GRIK2: variants seen among roughly 807,000 people sequenced by gnomAD.
GRIK2 encodes the protein glutamate ionotropic receptor kainate type subunit 2.
A neutral mutation model predicts 100.3 loss-of-function variants in GRIK2; 32 were observed. The ratio of observed to expected loss-of-function variants is 0.32; its 90% CI spans 0.24 to 0.43. The LOEUF (loss-of-function observed/expected upper bound fraction) is 0.43. GRIK2 is among the 20% of genes least tolerant of loss of function. The pLI, the probability that GRIK2 is intolerant of heterozygous loss-of-function variation, is 1.00. For synonymous variants in GRIK2, 417 were observed against 389.4 expected, an observed-to-expected ratio of 1.07 and a Z score of -0.83; for missense variants, 843 against 1,114.9, an observed-to-expected ratio of 0.76 and a Z score of 3.47.
chr6:101,496,954 G>A (rs997864630), intron 2 of GRIK2, among the ~76,000 whole-genome samples: 1 of 152,128 alleles, frequency 6.6e-6, no homozygotes, highest in Admixed American at 6.6e-5. Context: ...GGGCTAAGTA[G>A]GCTGAAAAAT....
At chr6:101,935,224 G>A (rs1280693563) in intron 14 of GRIK2, among the ~76,000 whole-genome samples, 1 of 151,844 alleles carries the variant, frequency 6.6e-6, no homozygotes, top group Non-Finnish European at 1.5e-5. Flanking sequence ...GTAAGTATAG[G>A]GAGGATGTGT....
chr6:101,729,306 A>G (rs954824763), intron 7 of GRIK2, among the ~76,000 whole-genome samples: 4 of 151,954 alleles, frequency 2.6e-5, no homozygotes, highest in African/African-American at 9.7e-5. Flanking sequence ...TTTTCTATCT[A>G]TAGATCTACC....
At chr6:102,054,566 A>G (rs1771373583) in intron 15 of GRIK2, among the ~76,000 whole-genome samples, 1 of 152,154 alleles carries the variant, frequency 6.6e-6, no homozygotes, top group Non-Finnish European at 1.5e-5. Context: ...TTATCATGTA[A>G]TATCTAATGC....
At chr6:101,590,692 C>T (rs1778602392) in intron 2 of GRIK2, among the ~76,000 whole-genome samples, 1 of 152,036 alleles carries the variant, frequency 6.6e-6, no homozygotes. Context: ...ATCTTAATAT[C>T]ATCTTTATGG....
Position 101,862,901 on chromosome 6 carries a change from C to A in GRIK2, c.1524+3408C>A, listed in dbSNP as rs572803718. ...CTAGCAGATTTTCCATTGGGCTGAT[C>A]ATCTTTTGAGTTTTTATGATGATTG... On this transcript the variant is annotated intron_variant, in intron 11 of 16. Coordinates refer to ENST00000369134, the MANE Select transcript of GRIK2 (RefSeq NM_021956.5). Among the ~76,000 whole-genome samples the A allele has an allele frequency of 2.0e-5, 3 of 152,082 alleles. No individual in the cohort carries two copies. The South Asian group carries it at 6.2e-4, about 32-fold the overall frequency.
chr6:101,439,253 A>G (rs186715340), intron 2 of GRIK2, among the ~76,000 whole-genome samples: 2 of 152,144 alleles, frequency 1.3e-5, no homozygotes, highest in Non-Finnish European at 1.5e-5. Flanking sequence ...TACCCAGTTT[A>G]TTTTGTCCTG....
In GRIK2 at chr6:101,678,151, G is replaced by A. The variant is rs6900995; in HGVS notation, c.723+1347G>A. ...CTATTTCAGTGACAGAGCTTTGGCT[G>A]CTTTCTCTAGGCTTCTAGTAAGTAT... is the stretch of plus-strand genomic sequence containing the variant. On this transcript the variant is annotated intron_variant, in intron 5 of 16. Transcript: ENST00000369134. Among the ~76,000 whole-genome samples, 1,444 of 152,162 alleles carry A rather than the reference G, an allele frequency of 9.5e-3. 11 individuals carry two copies. Among genetic ancestry groups the A allele is most frequent in the African/African-American group, 0.024 (1,007 of 41,550 alleles).
At chr6:101,438,659 G>T (rs1769873877) in intron 2 of GRIK2, among the ~76,000 whole-genome samples, 1 of 152,090 alleles carries the variant, frequency 6.6e-6, no homozygotes, top group Non-Finnish European at 1.5e-5. Flanking sequence ...ATTAATAAAT[G>T]CGTGAAATCA....
intron 2 of GRIK2, among the ~76,000 whole-genome samples, chr6:101,599,802 A>C (rs1397396116): frequency 6.6e-6 from 1 of 151,466 alleles, no homozygotes; most frequent in Non-Finnish European, 1.5e-5. Flanking sequence ...TTGGAATTAG[A>C]ACTTAGTAAA....
intron 2 of GRIK2, among the ~76,000 whole-genome samples, chr6:101,560,480 A>G (rs186874218): frequency 7.2e-5 from 11 of 152,070 alleles, no homozygotes; most frequent in Non-Finnish European, 1.2e-4. Flanking sequence ...TAGCATTTTC[A>G]CCATCTTGAC....
chr6:101,419,228 C>G (rs1359298415), intron 2 of GRIK2, among the ~76,000 whole-genome samples: 1 of 152,156 alleles, frequency 6.6e-6, no homozygotes, highest in Non-Finnish European at 1.5e-5. Flanking sequence ...AGGACCTATT[C>G]CTCACACCTT....
chr6:101,944,103 T>C (rs1791125428), intron 14 of GRIK2, among the ~76,000 whole-genome samples: 1 of 152,082 alleles, frequency 6.6e-6, no homozygotes, highest in Admixed American at 6.6e-5. Context: ...ATCTGATAAT[T>C]TTAAAGTGTG....
intron 16 of GRIK2, chr6:102,064,104 A>C: frequency 1.3e-6 from 1 of 781,996 alleles, no homozygotes. Flanking sequence ...ATTAATGTGG[A>C]GAAACATTTT....
chr6:102,035,506 A>T lies in GRIK2; in HGVS notation c.2251A>T (p.Asn751Tyr). The T allele has an allele frequency of 6.2e-7, 1 of 1,610,162 alleles. No homozygotes were observed. Among genetic ancestry groups the T allele is most frequent in the Non-Finnish European group, 8.5e-7 (1 of 1,177,308 alleles). Residue 751 changes from asparagine (N) to tyrosine (Y), a missense_variant, in exon 15 of 17, where the codon AAC (asparagine) becomes TAC (tyrosine). Asn to Tyr is a moderately radical substitution (Grantham distance 143, BLOSUM62 -2). This residue lies in a region of GRIK2 where 237 missense variants were observed against 388.0 expected (regional missense o/e 0.61). Transcript: ENST00000369134. ...TIEFVTQRNCNLTQIGGLIDS... is the reference protein window; with the variant it reads ...TIEFVTQRNCYLTQIGGLIDS... ...CGAGTTTGTTACCCAGCGGAACTGTAACCTGACACAGATTGGCGGCCTTAT... is the reference window on the plus strand; with the variant it reads ...CGAGTTTGTTACCCAGCGGAACTGTTACCTGACACAGATTGGCGGCCTTAT...
At chr6:101,863,863 C>G (rs1459655663) in intron 11 of GRIK2, among the ~76,000 whole-genome samples, 1 of 152,080 alleles carries the variant, frequency 6.6e-6, no homozygotes, top group Non-Finnish European at 1.5e-5. Context: ...ATTGGCCGGG[C>G]GCGGTGGCTC....
chr6:101,983,530 T>C (rs1165802247), intron 14 of GRIK2, among the ~76,000 whole-genome samples: 1 of 151,808 alleles, frequency 6.6e-6, no homozygotes, highest in Admixed American at 6.6e-5. Flanking sequence ...CACTAATACA[T>C]GTCCTCATGT....
intron 14 of GRIK2, among the ~76,000 whole-genome samples, chr6:102,023,453 AAGG>A (rs575539459): frequency 9.9e-5 from 15 of 151,624 alleles, no homozygotes; most frequent in South Asian, 8.3e-4. Context: ...TAACAAACAG[AAGG>A]AGAAGAGGAG....
chr6:101,782,797 T>C (rs1779177651), intron 7 of GRIK2, among the ~76,000 whole-genome samples: 1 of 152,038 alleles, frequency 6.6e-6, no homozygotes, highest in Non-Finnish European at 1.5e-5. Flanking sequence ...TTTTCCATAA[T>C]GGCTGTACTA....
At position 101,960,048 on chromosome 6, in the gene GRIK2, G is replaced by GTTTTTTT. The variant is rs3029100; in HGVS notation, c.2085+31420_2085+31421insTTTTTTT. Among the ~76,000 whole-genome samples, 591 of 118,014 alleles carry GTTTTTTT rather than the reference G, an allele frequency of 5.0e-3. 12 individuals carry two copies. The highest frequency in any genetic ancestry group is 0.01 in the African/African-American group (282 of 27,960). 77.4% of individuals were successfully genotyped at this position (118,014 alleles called of 152,430 possible). On this transcript the variant is annotated intron_variant, in intron 14 of 16. Coordinates refer to ENST00000369134, the MANE Select transcript of GRIK2 (RefSeq NM_021956.5). ...TTATTTCTCAAAGCCTTTTTTTAGTGTTTTGTTTTTTTTTTTTTGTCTGAC... is the reference window on the plus strand; with the variant it reads ...TTATTTCTCAAAGCCTTTTTTTAGTGTTTTTTTTTTTGTTTTTTTTTTTTTGTCTGAC...
Sources: allele counts gnomAD v4.1 joint callset (sites outside exome capture counted in the v4.1 genomes callset), GRCh38; gene constraint gnomAD v4.1.1; regional missense constraint gnomAD v4.1.1; transcripts MANE v1.5; gene names NCBI Gene and HGNC (gene_info 2026-07-23, HGNC 2026-07-21).